Variants in FGGY observed in about 807,000 individuals in gnomAD.
FGGY encodes the protein FGGY carbohydrate kinase domain-containing protein.
FGGY carries 72 observed loss-of-function variants against 71.3 expected under a neutral mutation model. That is an observed-to-expected ratio of 1.01 (90% CI 0.84 to 1.23). FGGY has a LOEUF of 1.23. Ranked by LOEUF, FGGY falls within the 50% of genes most tolerant of loss-of-function variation. The pLI is 0.00. For synonymous variants in FGGY, 251 were observed against 250.3 expected, an observed-to-expected ratio of 1.00 and a Z score of -0.02; for missense variants, 668 against 682.3, an observed-to-expected ratio of 0.98 and a Z score of 0.23.
At chr1:59,409,284 G>A (rs556809705) in intron 5 of FGGY, among the ~76,000 whole-genome samples, 1 of 152,140 alleles carries the variant, frequency 6.6e-6, no homozygotes, top group Non-Finnish European at 1.5e-5. Flanking sequence ...GAAAGCATAA[G>A]GACACTTTCA....
chr1:59,384,560 C>CGATTTCATT (rs1571401600), intron 5 of FGGY, among the ~76,000 whole-genome samples: 1 of 152,226 alleles, frequency 6.6e-6, no homozygotes, highest in East Asian at 1.9e-4. Flanking sequence ...AAGGTATTAG[C>CGATTTCATT]GATTTCATTT....
intron 5 of FGGY, among the ~76,000 whole-genome samples, chr1:59,436,428 C>T (rs904346285): frequency 1.3e-5 from 2 of 152,118 alleles, no homozygotes; most frequent in Non-Finnish European, 2.9e-5. Context: ...GGTTGTAACT[C>T]TATAGTTATT....
intron 14 of FGGY, among the ~76,000 whole-genome samples, chr1:59,740,370 T>A (rs2098137712): frequency 6.6e-6 from 1 of 152,170 alleles, no homozygotes; most frequent in African/African-American, 2.4e-5. Context: ...ACCAACTACC[T>A]CTAAGAGAAA....
In FGGY at chr1:59,657,646, G is replaced by C. The variant is rs148545078; in HGVS notation, c.1222-2573G>C. Among the ~76,000 whole-genome samples the C allele has an allele frequency of 2.6e-5, 4 of 152,326 alleles. 1 individual carries two copies. The highest frequency in any genetic ancestry group is 9.6e-5 in the African/African-American group (4 of 41,584). ...GCATGGTGCAGGCAGCTCACAGAAA[G>C]TGTTCCACTCAGGGGGCTATGACCA... On this transcript the variant is annotated intron_variant, in intron 11 of 15. Coordinates refer to ENST00000303721, the MANE Select transcript of FGGY (RefSeq NM_018291.5).
intron 6 of FGGY, among the ~76,000 whole-genome samples, chr1:59,471,836 A>T (rs915335626): frequency 6.6e-6 from 1 of 152,230 alleles, no homozygotes. Flanking sequence ...AACTCTACAG[A>T]TGTCCAAGAT....
At chr1:59,566,059 C>G (rs1262756223) in intron 8 of FGGY, among the ~76,000 whole-genome samples, 1 of 151,994 alleles carries the variant, frequency 6.6e-6, no homozygotes, top group African/African-American at 2.4e-5. Flanking sequence ...TGATGAAAAC[C>G]ACATTGATTT....
intron 6 of FGGY, among the ~76,000 whole-genome samples, chr1:59,484,995 C>A (rs2093615522): frequency 6.6e-6 from 1 of 152,006 alleles, no homozygotes; most frequent in Admixed American, 6.6e-5. Flanking sequence ...TGAATCACAC[C>A]CATAGGGGGG....
At chr1:59,380,896 G>T (rs1409314685) in intron 5 of FGGY, among the ~76,000 whole-genome samples, 1 of 151,048 alleles carries the variant, frequency 6.6e-6, no homozygotes. Flanking sequence ...GTATTGCCTG[G>T]CTTTCTTCTA....
At chr1:59,756,146 A>G (rs1270619319) in intron 14 of FGGY, 1 of 152,182 alleles carries the variant, frequency 6.6e-6, no homozygotes, top group Non-Finnish European at 1.5e-5. Flanking sequence ...GGCCCTCCAC[A>G]AAATGACTCC....
At chr1:59,715,647 CT>C (rs2097840817) in intron 14 of FGGY, among the ~76,000 whole-genome samples, 1 of 152,164 alleles carries the variant, frequency 6.6e-6, no homozygotes, top group African/African-American at 2.4e-5. Context: ...TACTTCTGAG[CT>C]TTAGTTTGCT....
intron 8 of FGGY, among the ~76,000 whole-genome samples, chr1:59,606,354 G>A (rs2096623380): frequency 6.6e-6 from 1 of 152,086 alleles, no homozygotes; most frequent in Admixed American, 6.6e-5. Context: ...AAAGTAAAAT[G>A]AGAACAAGTT....
chr1:59,336,375 A>G (rs1288780957), intron 2 of FGGY, among the ~76,000 whole-genome samples: 2 of 152,070 alleles, frequency 1.3e-5, no homozygotes, highest in Non-Finnish European at 2.9e-5. Context: ...TGCTAGTTTT[A>G]TAGTAAGTTT....
At chr1:59,397,549 A>G (rs1273216088) in intron 5 of FGGY, among the ~76,000 whole-genome samples, 1 of 152,164 alleles carries the variant, frequency 6.6e-6, no homozygotes, top group African/African-American at 2.4e-5. Context: ...ATACTAGTGG[A>G]CTATACTGGA....
chr1:59,333,867 T>C (rs1312460184), intron 2 of FGGY, among the ~76,000 whole-genome samples: 1 of 152,186 alleles, frequency 6.6e-6, no homozygotes, highest in Non-Finnish European at 1.5e-5. Flanking sequence ...CATCTGGGTA[T>C]TCACTTGGTA....
chr1:59,381,927 T>G (rs1004600766), intron 5 of FGGY, among the ~76,000 whole-genome samples: 3 of 151,900 alleles, frequency 2.0e-5, no homozygotes, highest in Non-Finnish European at 4.4e-5. Flanking sequence ...ATTAACAGAG[T>G]GAGTGTATGT....
At chr1:59,402,987 A>G (rs1422173808) in intron 5 of FGGY, among the ~76,000 whole-genome samples, 1 of 152,128 alleles carries the variant, frequency 6.6e-6, no homozygotes, top group African/African-American at 2.4e-5. Flanking sequence ...TTGCTAGGAT[A>G]CAGATTGCAC....
chr1:59,736,888 T>C (rs1465045150), intron 14 of FGGY, among the ~76,000 whole-genome samples: 1 of 152,008 alleles, frequency 6.6e-6, no homozygotes, highest in African/African-American at 2.4e-5. Context: ...ATGTCAGAGG[T>C]CTTCATGGCA....
At chr1:59,661,013 T>C (rs2097268692) in intron 12 of FGGY, among the ~76,000 whole-genome samples, 1 of 152,162 alleles carries the variant, frequency 6.6e-6, no homozygotes, top group South Asian at 2.1e-4. Flanking sequence ...AGCAGGTATG[T>C]AACCGAAATT....
intron 11 of FGGY, among the ~76,000 whole-genome samples, chr1:59,645,426 G>C (rs1002497873): frequency 3.3e-5 from 5 of 152,166 alleles, no homozygotes; most frequent in African/African-American, 1.2e-4. Flanking sequence ...CCCCAGAACT[G>C]ACTGGACTCA....
Sources: gnomAD v4.1 joint callset for allele counts (sites outside exome capture counted in the v4.1 genomes callset) on GRCh38, gnomAD v4.1.1 for gene constraint, MANE v1.5 for transcripts, NCBI Gene and HGNC (gene_info 2026-07-23, HGNC 2026-07-21) for gene names.